FAM53B: variants seen among roughly 807,000 people sequenced by gnomAD.
FAM53B encodes family with sequence similarity 53 member B.
FAM53B carries 12 observed loss-of-function variants against 32.7 expected under a neutral mutation model. The ratio of observed to expected loss-of-function variants is 0.37; its 90% CI spans 0.24 to 0.59. The LOEUF (loss-of-function observed/expected upper bound fraction) is 0.59. Among genes scored for constraint, FAM53B ranks in the 20% least tolerant of loss-of-function variants. The probability of loss-of-function intolerance (pLI) is 0.72; values close to 1 mark genes in which losing one functional copy is unlikely to be tolerated. For synonymous variants in FAM53B, 234 were observed against 228.7 expected (o/e 1.02, Z -0.21); for missense variants, 477 against 577.7 (o/e 0.83, Z 1.79).
chr10:124,639,478 C>T (rs1248962516), intron 4 of FAM53B, among the ~76,000 whole-genome samples: 1 of 152,126 alleles, frequency 6.6e-6, no homozygotes, highest in Non-Finnish European at 1.5e-5. Flanking sequence ...CGAGGCAGAC[C>T]TCTCGAGGCA....
At chr10:124,635,919 C>CTG (rs1949427861) in intron 4 of FAM53B, among the ~76,000 whole-genome samples, 1 of 152,166 alleles carries the variant, frequency 6.6e-6, no homozygotes, top group South Asian at 2.1e-4. Context: ...ATTATCTCCT[C>CTG]TGTTATAATA....
intron 4 of FAM53B, among the ~76,000 whole-genome samples, chr10:124,648,764 C>T (rs1949537461): frequency 6.6e-6 from 1 of 152,264 alleles, no homozygotes; most frequent in Non-Finnish European, 1.5e-5. Flanking sequence ...AGAGCTAGTC[C>T]ACCTGTCCCG....
At chr10:124,679,934 T>A (rs1949759251) in intron 4 of FAM53B, among the ~76,000 whole-genome samples, 1 of 152,232 alleles carries the variant, frequency 6.6e-6, no homozygotes, top group Non-Finnish European at 1.5e-5. Context: ...TTGTTACCTA[T>A]CTAGCTGATT....
intron 4 of FAM53B, among the ~76,000 whole-genome samples, chr10:124,675,411 G>A (rs1949730893): frequency 6.6e-6 from 1 of 152,156 alleles, no homozygotes; most frequent in Non-Finnish European, 1.5e-5. Flanking sequence ...ACTGCCCAGA[G>A]CAGCAGAGGG....
intron 4 of FAM53B, among the ~76,000 whole-genome samples, chr10:124,659,239 AGCCATGATAG>A (rs1230755604): frequency 1.3e-5 from 2 of 152,244 alleles, no homozygotes; most frequent in Non-Finnish European, 2.9e-5. Flanking sequence ...TCCTGCTTTC[AGCCATGATAG>A]GCCTAAAGTC....
intron 1 of FAM53B, among the ~76,000 whole-genome samples, chr10:124,722,624 C>T (rs1950076206): frequency 6.6e-6 from 1 of 152,016 alleles, no homozygotes; most frequent in Non-Finnish European, 1.5e-5. Context: ...TTGAACCAAA[C>T]GAGATATTGA....
intron 4 of FAM53B, among the ~76,000 whole-genome samples, chr10:124,637,689 C>T (rs951107944): frequency 6.6e-6 from 1 of 152,186 alleles, no homozygotes; most frequent in Admixed American, 6.5e-5. Flanking sequence ...GCTAAAGGCC[C>T]GGTATCTCCA....
rs1176480867 is a variant in FAM53B, at chr10:124,674,776, G to T, written c.906+6831C>A. ...GTGAGGCCTCAGCTGGTAAGGCCTT[G>T]TTCTCCCTCTGGCCCATAGGCTGTG... On this transcript the variant is annotated intron_variant, in intron 4 of 4. Coordinates refer to ENST00000337318, the MANE Select transcript of FAM53B (RefSeq NM_014661.4). Among the ~76,000 whole-genome samples the T allele has an allele frequency of 2.6e-5, 4 of 152,214 alleles. No individual in the cohort carries two copies. The East Asian group carries it at 5.8e-4, about 22-fold the overall frequency.
rs1949309406 is a variant in FAM53B at position 124,621,328 on chromosome 10, C to T, written c.*1914G>A. On this transcript the variant is annotated 3_prime_UTR_variant, in exon 5 of 5. Coordinates refer to ENST00000337318, the MANE Select transcript of FAM53B (RefSeq NM_014661.4). ...CGCCTCCACATTTGCTCTAAGAAGA[C>T]ATGGTCTCCATGACCCCCAGGCAGG... The T allele has an allele frequency of 6.6e-6, 1 of 152,378 alleles. No homozygotes were observed. The highest frequency in any genetic ancestry group is 2.4e-5 in the African/African-American group (1 of 41,482). 9.4% of individuals were successfully genotyped at this position (152,378 alleles called of 1,614,324 possible). A position where few individuals can be genotyped will look rare whatever the true frequency, so the allele number is the denominator to read the frequency against.
At chr10:124,718,283 C>T (rs1950048688) in intron 1 of FAM53B, among the ~76,000 whole-genome samples, 1 of 152,160 alleles carries the variant, frequency 6.6e-6, no homozygotes, top group Non-Finnish European at 1.5e-5. Context: ...CTAACCTCAG[C>T]TCACACTTCA....
intron 1 of FAM53B, among the ~76,000 whole-genome samples, chr10:124,736,287 C>A (rs1004210580): frequency 1.3e-5 from 2 of 152,272 alleles, no homozygotes; most frequent in African/African-American, 4.8e-5. Context: ...AGCCAGGAAA[C>A]TGAATCGTTT....
intron 4 of FAM53B, chr10:124,623,916 G>A (rs959117128): frequency 5.6e-5 from 18 of 320,694 alleles, no homozygotes; most frequent in South Asian, 3.8e-4. Flanking sequence ...CTAACACTTC[G>A]TCCACAGCCT....
intron 1 of FAM53B, among the ~76,000 whole-genome samples, chr10:124,721,628 A>G (rs2134096181): frequency 6.6e-6 from 1 of 152,388 alleles, no homozygotes; most frequent in East Asian, 1.9e-4. Context: ...GGAGTAAGAC[A>G]GCTTCCTCAA....
At chr10:124,657,045 T>TAC (rs1399275065) in intron 4 of FAM53B, among the ~76,000 whole-genome samples, 1 of 142,354 alleles carries the variant, frequency 7.0e-6, no homozygotes, top group Non-Finnish European at 1.5e-5. Flanking sequence ...TAAATATATA[T>TAC]ATATATGTAT....
In FAM53B at chr10:124,651,330, A is replaced by G. The variant is rs1431520752; in HGVS notation, c.907-27726T>C. ...CCTCTGCACCTTCCCAAAGGTGCAG[A>G]AGGAGGCTGGAGGGGTGCGGCTGAG... On this transcript the variant is annotated intron_variant, in intron 4 of 4. Coordinates refer to ENST00000337318, the MANE Select transcript of FAM53B (RefSeq NM_014661.4). The surrounding 1 kb of genome is among the most constrained non-coding windows in gnomAD (Gnocchi z 5.2). 1.3e-5 allele frequency among the ~76,000 whole-genome samples: 2 copies of G among 152,214 alleles called. No individual in the cohort carries two copies. The highest frequency in any genetic ancestry group is 6.5e-5 in the Admixed American group (1 of 15,284).
chr10:124,670,565 C>G (rs1176427702), intron 4 of FAM53B, among the ~76,000 whole-genome samples: 1 of 152,206 alleles, frequency 6.6e-6, no homozygotes, highest in African/African-American at 2.4e-5. Context: ...CTCACCACGC[C>G]CACTCCGACC....
Position 124,622,961 on chromosome 10 carries a change from A to C in FAM53B, c.*281T>G. 2.5e-6 allele frequency: 1 copy of C among 400,176 alleles called. No homozygotes were observed. The highest frequency in any genetic ancestry group is 4.5e-6 in the Non-Finnish European group (1 of 223,006). 24.8% of individuals were successfully genotyped at this position (400,176 alleles called of 1,614,324 possible). A position where few individuals can be genotyped will look rare whatever the true frequency, so the allele number is the denominator to read the frequency against. ...CATCCCACAGGGAAAGAGGCAGAAAAGACGCAAACTTCAAAGCTGTCCTCT... is the reference window on the plus strand; with the variant it reads ...CATCCCACAGGGAAAGAGGCAGAAACGACGCAAACTTCAAAGCTGTCCTCT... On this transcript the variant is annotated 3_prime_UTR_variant, in exon 5 of 5. Coordinates refer to ENST00000337318, the MANE Select transcript of FAM53B (RefSeq NM_014661.4).
chr10:124,641,503 CCTT>C (rs1258144207), intron 4 of FAM53B, among the ~76,000 whole-genome samples: 1 of 152,244 alleles, frequency 6.6e-6, no homozygotes, highest in East Asian at 1.9e-4. Flanking sequence ...AGGTGCCTCT[CCTT>C]CTATCAGCAA....
chr10:124,663,142 TC>T (rs982284975), intron 4 of FAM53B, among the ~76,000 whole-genome samples: 4 of 152,176 alleles, frequency 2.6e-5, no homozygotes, highest in African/African-American at 9.7e-5. Context: ...AGGCTGCTTC[TC>T]CTCCCAGAGC....
Sources: gnomAD v4.1 joint callset for allele counts (sites outside exome capture counted in the v4.1 genomes callset) on GRCh38, gnomAD v4.1.1 for gene constraint, Gnocchi (gnomAD v3.1) non-coding constraint, MANE v1.5 for transcripts, NCBI Gene and HGNC (gene_info 2026-07-23, HGNC 2026-07-21) for gene names.